IMMP2L: variants seen among roughly 807,000 people sequenced by gnomAD.
IMMP2L encodes the protein mitochondrial inner membrane protease subunit 2.
IMMP2L carries 18 observed loss-of-function variants against 19.3 expected under a neutral mutation model. The observed-to-expected ratio is 0.93, with a 90% CI of 0.64 to 1.38. The LOEUF (loss-of-function observed/expected upper bound fraction) is 1.38, where lower values mean the gene tolerates loss of function less well. IMMP2L is among the 40% of genes most tolerant of loss of function. The probability of loss-of-function intolerance (pLI) is 0.00; values close to 1 mark genes in which losing one functional copy is unlikely to be tolerated. For missense variants in IMMP2L, 233 were observed against 218.2 expected, an observed-to-expected ratio of 1.07 and a Z score of -0.43; for synonymous variants, 76 against 73.0, an observed-to-expected ratio of 1.04 and a Z score of -0.21.
At chr7:110,845,959 C>G (rs1239898549) in intron 5 of IMMP2L, among the ~76,000 whole-genome samples, 6 of 152,138 alleles carry the variant, frequency 3.9e-5, no homozygotes, top group Non-Finnish European at 8.8e-5. Context: ...GACACTGAAT[C>G]TGCCAGCACA....
chr7:110,815,919 T>C (rs545433536), intron 5 of IMMP2L, among the ~76,000 whole-genome samples: 2 of 152,130 alleles, frequency 1.3e-5, no homozygotes, highest in Non-Finnish European at 2.9e-5. Flanking sequence ...AAAAACCAGC[T>C]CCTGCATTAA....
At chr7:110,793,827 T>C (rs572375999) in intron 5 of IMMP2L, among the ~76,000 whole-genome samples, 164 of 152,202 alleles carry the variant, frequency 1.1e-3, no homozygotes, top group African/African-American at 3.8e-3. Flanking sequence ...TATCAAAACA[T>C]CACGTTTTAT....
intron 5 of IMMP2L, among the ~76,000 whole-genome samples, chr7:110,838,136 A>G (rs1804691003): frequency 6.6e-6 from 1 of 151,994 alleles, no homozygotes; most frequent in Non-Finnish European, 1.5e-5. Context: ...TTCCTAAATA[A>G]TCATATTCAG....
rs56749626 is a variant in IMMP2L, at chr7:111,539,196, G to GAGAA, written c.-2-17751_-2-17748dup. ...GGAAGGAAGGAAGGAAGGAAGGAGGGAGAAAGAAAGAAAGAAAGAAAGAAA... is the reference window on the plus strand; with the variant it reads ...GGAAGGAAGGAAGGAAGGAAGGAGGGAGAAAGAAAGAAAGAAAGAAAGAAAGAAA... On this transcript the variant is annotated intron_variant, in intron 1 of 5. Transcript: ENST00000405709. 3.7e-3 allele frequency among the ~76,000 whole-genome samples: 112 copies of GAGAA among 30,030 alleles called. 1 individual carries two copies. The highest frequency in any genetic ancestry group is 0.013 in the Middle Eastern group (1 of 78). The allele number at this position is 30,030 out of a possible 152,430, so 19.7% of individuals were successfully genotyped here. A position where few individuals can be genotyped will look rare whatever the true frequency, so the allele number is the denominator to read the frequency against.
rs989546069 is a variant in IMMP2L, at chr7:111,173,925, C to A, written c.240-210360G>T. Among the ~76,000 whole-genome samples the A allele has an allele frequency of 2.0e-5, 3 of 151,696 alleles. No homozygotes were observed. The East Asian group carries it at 5.8e-4, about 29-fold the overall frequency. On this transcript the variant is annotated intron_variant, in intron 3 of 5. Transcript: ENST00000405709. Reference sequence around the variant, plus strand: ...CAAACTGTTGTTCTAAAAGTATCTACAGTGAAGTTAAATATATTAACAATG... The same window carrying A: ...CAAACTGTTGTTCTAAAAGTATCTAAAGTGAAGTTAAATATATTAACAATG...
chr7:111,538,769 C>A (rs1451394980), intron 1 of IMMP2L, among the ~76,000 whole-genome samples: 1 of 146,334 alleles, frequency 6.8e-6, no homozygotes, highest in Non-Finnish European at 1.5e-5. Context: ...CTGATCACAC[C>A]ACTGCACTCC....
rs1807913094 is a variant in IMMP2L at position 110,865,704 on chromosome 7, T to C, written c.408+20889A>G. On this transcript the variant is annotated intron_variant, in intron 5 of 5. Transcript: ENST00000405709. The stretch of plus-strand genomic sequence containing the variant: ...TGAACCCCGAGAAAAGAAGTCACTG[T>C]AGAGATACCCCTTCTGTATTTTTCC... Among the ~76,000 whole-genome samples, 3 of 152,030 alleles carry C rather than the reference T, an allele frequency of 2.0e-5. No homozygotes were observed. The South Asian group carries it at 6.2e-4, about 32-fold the overall frequency.
chr7:110,667,896 A>G (rs1002511464), intron 5 of IMMP2L, among the ~76,000 whole-genome samples: 2 of 152,234 alleles, frequency 1.3e-5, no homozygotes, highest in African/African-American at 4.8e-5. Context: ...CATCCGCAAT[A>G]GGTAACTAAT....
chr7:110,774,421 A>C (rs1799240300), intron 5 of IMMP2L, among the ~76,000 whole-genome samples: 1 of 152,096 alleles, frequency 6.6e-6, no homozygotes, highest in Non-Finnish European at 1.5e-5. Flanking sequence ...TCATCTATAA[A>C]AATATTACTT....
intron 3 of IMMP2L, among the ~76,000 whole-genome samples, chr7:111,237,027 T>C (rs1037653131): frequency 2.6e-5 from 4 of 152,120 alleles, no homozygotes; most frequent in African/African-American, 9.7e-5. Flanking sequence ...AAGTAAGAAC[T>C]TACAACAGTG....
chr7:111,158,303 TAGAG>T (rs944374314), intron 3 of IMMP2L, among the ~76,000 whole-genome samples: 2 of 152,026 alleles, frequency 1.3e-5, no homozygotes, highest in African/African-American at 2.4e-5. Context: ...GATACACATA[TAGAG>T]AGAATCATCA....
chr7:111,101,567 A>G (rs1797979960), intron 3 of IMMP2L, among the ~76,000 whole-genome samples: 2 of 151,494 alleles, frequency 1.3e-5, no homozygotes, highest in Admixed American at 1.3e-4. Flanking sequence ...TACTTGAGAC[A>G]ATCGTTCGAA....
chr7:111,063,612 T>G (rs1794225955), intron 3 of IMMP2L, among the ~76,000 whole-genome samples: 1 of 152,306 alleles, frequency 6.6e-6, no homozygotes, highest in South Asian at 2.1e-4. Flanking sequence ...CTTACAAAAC[T>G]GAATGCCTTT....
chr7:110,770,068 G>A (rs1230664747), intron 5 of IMMP2L, among the ~76,000 whole-genome samples: 8 of 152,154 alleles, frequency 5.3e-5, no homozygotes. Flanking sequence ...CAACAGTAAC[G>A]ATTATGTTAC....
Position 111,042,247 on chromosome 7 carries a change from C to T in IMMP2L, c.240-78682G>A, listed in dbSNP as rs530108781. Among the ~76,000 whole-genome samples, 23 of 152,142 alleles carry T rather than the reference C, an allele frequency of 1.5e-4. No individual in the cohort carries two copies. The South Asian group carries it at 3.5e-3, about 23-fold the overall frequency. ...CAGGCTGGAGTGCAGTGGCACAATC[C>T]GGGCTCACTGAAACCTCTGCCTCCT... On this transcript the variant is annotated intron_variant, in intron 3 of 5. Coordinates refer to ENST00000405709, the MANE Select transcript of IMMP2L (RefSeq NM_032549.4).
chr7:110,706,029 GT>G (rs2130679123), intron 5 of IMMP2L, among the ~76,000 whole-genome samples: 1 of 152,136 alleles, frequency 6.6e-6, no homozygotes, highest in African/African-American at 2.4e-5. Flanking sequence ...GAATATACAA[GT>G]GCACATGTCT....
chr7:111,203,906 C>G (rs1185480548), intron 3 of IMMP2L, among the ~76,000 whole-genome samples: 1 of 151,960 alleles, frequency 6.6e-6, no homozygotes, highest in African/African-American at 2.4e-5. Context: ...ATTGGTTACC[C>G]TTGTAAGAAT....
chr7:111,517,206 G>A (rs1203862641), intron 2 of IMMP2L, among the ~76,000 whole-genome samples: 1 of 151,936 alleles, frequency 6.6e-6, no homozygotes. Flanking sequence ...ACAGGTAGCT[G>A]AAAGTCAAGA....
chr7:110,881,069 T>C (rs1056788213), intron 5 of IMMP2L, among the ~76,000 whole-genome samples: 10 of 152,244 alleles, frequency 6.6e-5, no homozygotes, highest in African/African-American at 9.6e-5. Flanking sequence ...AAATCATATA[T>C]ATTTTTTTCA....
Sources: allele counts gnomAD v4.1 joint callset (sites outside exome capture counted in the v4.1 genomes callset), GRCh38; gene constraint gnomAD v4.1.1; transcripts MANE v1.5; gene names NCBI Gene and HGNC (gene_info 2026-07-23, HGNC 2026-07-21).